The following MGST3 variants were observed in gnomAD, a reference collection of about 807,000 sequenced individuals.
MGST3 encodes glutathione S-transferase 3, mitochondrial.
MGST3 carries 13 observed loss-of-function variants against 15.8 expected under a neutral mutation model. That is an observed-to-expected ratio of 0.82 (90% confidence interval 0.54 to 1.31). MGST3 has a LOEUF of 1.31. Among genes scored for constraint, MGST3 ranks in the 50% most tolerant of loss-of-function variants. MGST3 has a pLI of 0.00. For missense variants in MGST3, 155 were observed against 192.4 expected, an observed-to-expected ratio of 0.81 and a Z score of 1.15; for synonymous variants, 49 against 68.1, an observed-to-expected ratio of 0.72 and a Z score of 1.38.
rs9333418 is a variant in MGST3, at chr1:165,641,003, T to C, written c.-7-8838T>C. ...TTCGAGACCAGCCTGGCCTACGTGG[T>C]GAAACCCCGTCTCTACTAAAAATAC... On this transcript the variant is annotated intron_variant, in intron 1 of 5. Transcript: ENST00000367889. Among the ~76,000 whole-genome samples, 1,491 of 152,164 alleles carry C rather than the reference T, an allele frequency of 9.8e-3. 52 individuals carry two copies. Among genetic ancestry groups the C allele is most frequent in the Admixed American group, 0.059 (902 of 15,282 alleles).
chr1:165,647,887 T>G (rs1648449712), intron 1 of MGST3: 1 of 152,230 alleles, frequency 6.6e-6, no homozygotes, highest in East Asian at 1.9e-4. Flanking sequence ...CCAGGCTGCC[T>G]GGCCTCAAGT....
chr1:165,635,368 G>A (rs1243096261), intron 1 of MGST3, among the ~76,000 whole-genome samples: 1 of 152,196 alleles, frequency 6.6e-6, no homozygotes, highest in East Asian at 1.9e-4. Context: ...TCTCAGAGGA[G>A]ATTTCATCAG....
At chr1:165,652,351 T>C (rs1648582757) in intron 4 of MGST3, among the ~76,000 whole-genome samples, 1 of 152,216 alleles carries the variant, frequency 6.6e-6, no homozygotes, top group African/African-American at 2.4e-5. Context: ...TCATTTGTTA[T>C]AGTAATTCAT....
At chr1:165,633,081 G>A (rs1647997303) in intron 1 of MGST3, among the ~76,000 whole-genome samples, 1 of 152,124 alleles carries the variant, frequency 6.6e-6, no homozygotes, top group African/African-American at 2.4e-5. Context: ...TATTTGTTTC[G>A]AAGAATATAC....
chr1:165,636,752 GT>G (rs1648125309), intron 1 of MGST3: 1 of 150,918 alleles, frequency 6.6e-6, no homozygotes, highest in South Asian at 2.1e-4. Flanking sequence ...AAAAAAAATT[GT>G]TTTTATGTTA....
In MGST3 at chr1:165,655,480, C is replaced by T. The variant is rs1486054914; in HGVS notation, c.435C>T (p.Gly145=). 1 of 1,614,040 alleles carries T rather than the reference C, an allele frequency of 6.2e-7. No homozygotes were observed. Among genetic ancestry groups the T allele is most frequent in the Non-Finnish European group, 8.5e-7 (1 of 1,179,990 alleles). The change falls in exon 6 of 6, where the codon GGC becomes GGT. Residue 145 remains glycine, a synonymous_variant. Transcript: ENST00000367889. ...TTGGTTGGGTTAAAAGTGGCTTGGGCAGTGGACCCAAATGCTGCCATTAAA... is the reference window on the plus strand; with the variant it reads ...TTGGTTGGGTTAAAAGTGGCTTGGGTAGTGGACCCAAATGCTGCCATTAAA... ...QHLGWVKSGL[G]SGPKCCH
Position 165,655,286 on chromosome 1 carries a change from G to A in MGST3, c.323-82G>A, listed in dbSNP as rs775346872. ...TTGTCTAATGTACAACCTCAGATGC[G>A]ATGATAGAATGGCTTGCGAATGTTG... On this transcript the variant is annotated intron_variant, in intron 5 of 5. Coordinates refer to ENST00000367889, the MANE Select transcript of MGST3 (RefSeq NM_004528.4). 16 of 1,566,914 alleles carry A rather than the reference G, an allele frequency of 1.0e-5. No homozygotes were observed. In the African/African-American group the frequency reaches 1.2e-4, roughly 12 times the overall value.
chr1:165,633,923 G>C (rs1648028962), intron 1 of MGST3, among the ~76,000 whole-genome samples: 1 of 152,092 alleles, frequency 6.6e-6, no homozygotes, highest in Non-Finnish European at 1.5e-5. Context: ...CTGAAAGATT[G>C]GAGGAAGTTT....
At chr1:165,634,391 G>A (rs1286202744) in intron 1 of MGST3, among the ~76,000 whole-genome samples, 1 of 152,144 alleles carries the variant, frequency 6.6e-6, no homozygotes, top group African/African-American at 2.4e-5. Flanking sequence ...GGATCTAAAT[G>A]AGTTAATACT....
intron 1 of MGST3, among the ~76,000 whole-genome samples, chr1:165,641,298 C>G (rs954934396): frequency 2.0e-5 from 3 of 152,358 alleles, no homozygotes; most frequent in South Asian, 4.1e-4. Flanking sequence ...TTCTTGTTCA[C>G]TGCTGCATCC....
intron 1 of MGST3, among the ~76,000 whole-genome samples, chr1:165,644,078 A>G (rs1261865372): frequency 6.7e-6 from 1 of 150,186 alleles, no homozygotes; most frequent in African/African-American, 2.5e-5. Flanking sequence ...AAAATTACCT[A>G]TTGCCAGGCT....
intron 1 of MGST3, among the ~76,000 whole-genome samples, chr1:165,634,087 T>C (rs1016297217): frequency 6.6e-6 from 1 of 151,658 alleles, no homozygotes; most frequent in African/African-American, 2.4e-5. Flanking sequence ...AGTGGCAAAA[T>C]TGAAGTTAAT....
intron 1 of MGST3, among the ~76,000 whole-genome samples, chr1:165,644,921 G>C (rs1275718359): frequency 6.6e-6 from 1 of 151,970 alleles, no homozygotes; most frequent in South Asian, 2.1e-4. Context: ...ACCTCGCCCA[G>C]CTAATTTTTT....
chr1:165,652,126 ATCTTCAGTG>A (rs1282592041), intron 4 of MGST3, 91 bp downstream of exon 4: 2 of 928,416 alleles, frequency 2.2e-6, no homozygotes, highest in Non-Finnish European at 3.6e-6. Context: ...TTTAATGAAT[ATCTTCAGTG>A]TCTAGGCACT....
intron 1 of MGST3, among the ~76,000 whole-genome samples, chr1:165,632,801 T>C (rs1273691923): frequency 6.6e-6 from 1 of 151,850 alleles, no homozygotes; most frequent in Admixed American, 6.6e-5. Context: ...CTGGAAGAGA[T>C]CCTCCTCGCC....
intron 1 of MGST3, among the ~76,000 whole-genome samples, chr1:165,638,769 T>C (rs1302622884): frequency 6.8e-6 from 1 of 146,942 alleles, no homozygotes; most frequent in Non-Finnish European, 1.5e-5. Context: ...CACTCTAGCC[T>C]GTGGGACAGA....
intron 1 of MGST3, among the ~76,000 whole-genome samples, chr1:165,644,766 G>GT (rs1324358431): frequency 1.3e-5 from 2 of 151,724 alleles, no homozygotes; most frequent in African/African-American, 4.8e-5. Context: ...GTTTTCTTTT[G>GT]TTTTTTTCTT....
chr1:165,643,554 T>TA (rs368951005), intron 1 of MGST3, among the ~76,000 whole-genome samples: 104 of 142,284 alleles, frequency 7.3e-4, no homozygotes, highest in East Asian at 2.3e-3. Flanking sequence ...TCCTATCTCT[T>TA]AAAAAAAAAA....
intron 4 of MGST3, among the ~76,000 whole-genome samples, chr1:165,653,131 C>T (rs189277634): frequency 1.3e-5 from 2 of 152,314 alleles, no homozygotes; most frequent in Non-Finnish European, 1.5e-5. Context: ...GAAACATCTA[C>T]TGCTCTTGTA....
Sources: gnomAD v4.1 joint callset for allele counts (sites outside exome capture counted in the v4.1 genomes callset) on GRCh38, gnomAD v4.1.1 for gene constraint, MANE v1.5 for transcripts, NCBI Gene and HGNC (gene_info 2026-07-23, HGNC 2026-07-21) for gene names.